Variants in CCDC88C observed in about 807,000 individuals in gnomAD.
CCDC88C encodes coiled-coil and HOOK domain protein 88C, also known as protein Daple.
In CCDC88C, 131 loss-of-function variants were observed where a neutral mutation model predicts 198.8. That is an observed-to-expected ratio of 0.66 (90% CI 0.57 to 0.76). CCDC88C has a LOEUF of 0.76. Among genes scored for constraint, CCDC88C ranks in the 30% least tolerant of loss-of-function variants. CCDC88C has a pLI of 0.00. For synonymous variants in CCDC88C, 1,166 were observed against 1,114.7 expected (o/e 1.05, Z -0.92); for missense variants, 2,553 against 2,631.6 (o/e 0.97, Z 0.65).
At chr14:91,362,826 G>A (rs1329738501) in intron 3 of CCDC88C, among the ~76,000 whole-genome samples, 1 of 152,020 alleles carries the variant, frequency 6.6e-6, no homozygotes, top group Non-Finnish European at 1.5e-5. Context: ...CTACTCAGGA[G>A]GCTGAGGCAG....
intron 22 of CCDC88C, among the ~76,000 whole-genome samples, 171 bp downstream of exon 22, chr14:91,297,134 A>G (rs1345180449): frequency 1.3e-5 from 2 of 152,174 alleles, no homozygotes; most frequent in African/African-American, 2.4e-5. Flanking sequence ...AGAAGCCACA[A>G]TGACCCCCGT....
intron 24 of CCDC88C, 111 bp downstream of exon 24, chr14:91,290,884 G>A (rs1890632387): frequency 5.9e-6 from 4 of 677,450 alleles, no homozygotes; most frequent in Non-Finnish European, 8.0e-6. Flanking sequence ...GGAGGCATCT[G>A]TGCACAGGTG....
At chr14:91,311,330 T>C (rs1445220169) in intron 15 of CCDC88C, among the ~76,000 whole-genome samples, 1 of 152,220 alleles carries the variant, frequency 6.6e-6, no homozygotes, top group Admixed American at 6.5e-5. Context: ...CCTGCATGGA[T>C]CGTCAGTCAT....
intron 3 of CCDC88C, among the ~76,000 whole-genome samples, chr14:91,374,909 G>A (rs568903960): frequency 2.2e-4 from 34 of 152,312 alleles, no homozygotes; most frequent in African/African-American, 7.9e-4. Context: ...GGCCAAGATC[G>A]GTCAATGGTG....
At position 91,317,534 on chromosome 14, in the gene CCDC88C, T is replaced by C. The variant is rs902660503; in HGVS notation, c.1528-1747A>G. Among the ~76,000 whole-genome samples the C allele has an allele frequency of 1.1e-4, 16 of 152,220 alleles. 1 individual carries two copies. Among genetic ancestry groups the C allele is most frequent in the Non-Finnish European group, 4.4e-5 (3 of 68,034 alleles). ...ACCCTCTACGTGTCAGACTCTGGGCTGGGCACTGGGGCCAATAAAACAGTC... is the reference window on the plus strand; with the variant it reads ...ACCCTCTACGTGTCAGACTCTGGGCCGGGCACTGGGGCCAATAAAACAGTC... On this transcript the variant is annotated intron_variant, in intron 13 of 29. Transcript: ENST00000389857.
intron 4 of CCDC88C, among the ~76,000 whole-genome samples, chr14:91,357,658 C>T (rs1248501568): frequency 6.6e-6 from 1 of 152,224 alleles, no homozygotes; most frequent in Non-Finnish European, 1.5e-5. Flanking sequence ...ACAGGCATCA[C>T]TCTCATCTCC....
chr14:91,272,991 G>A lies in CCDC88C; in HGVS notation c.5721C>T (p.Ala1907=). 1 of 1,552,974 alleles carries A rather than the reference G, an allele frequency of 6.4e-7. No homozygotes were observed. The highest frequency in any genetic ancestry group is 8.7e-7 in the Non-Finnish European group (1 of 1,154,330). ...CAGCACCAGCACCTGCAGTGGCAAT[G>A]GCGGGGGCTGTGGCAGACTGATGCA... ...APLHQSATAP[A]IATAGAGAAA... Residue 1907 remains alanine, a synonymous_variant, in exon 30 of 30, where the codon GCC becomes GCT. Transcript: ENST00000389857.
chr14:91,274,273 G>T (rs937564883), intron 29 of CCDC88C, among the ~76,000 whole-genome samples: 1 of 152,188 alleles, frequency 6.6e-6, no homozygotes, highest in Non-Finnish European at 1.5e-5. Context: ...GAATGGTGGG[G>T]CTGCACAGGG....
intron 10 of CCDC88C, among the ~76,000 whole-genome samples, chr14:91,328,322 A>G (rs1051307046): frequency 1.3e-5 from 2 of 152,082 alleles, no homozygotes; most frequent in African/African-American, 4.8e-5. Flanking sequence ...CTGCACCACC[A>G]CCTCTGAAAT....
At chr14:91,299,851 C>T (rs1345635738) in intron 21 of CCDC88C, 76 bp downstream of exon 21, 1 of 1,448,994 alleles carries the variant, frequency 6.9e-7, no homozygotes, top group Non-Finnish European at 9.1e-7. Flanking sequence ...TTGAACTTCT[C>T]AGTGGTTGCT....
chr14:91,297,570 CCCAGCTCTGACAGTG>C, intron 21 of CCDC88C, 79 bp from the exon 22 acceptor site: 1 of 1,436,550 alleles, frequency 7.0e-7, no homozygotes. Flanking sequence ...TGGGCTATGT[CCCAGCTCTGACAGTG>C]GCAGGCTGTG....
chr14:91,314,146 T>C lies in CCDC88C; in HGVS notation c.1670A>G (p.Lys557Arg). ...GTGGTCCTTTTCCTGCTCAAGGTCC[T>C]TGATCTACGGGAAAACACAACAGGC... The part of the protein sequence containing the change: ...TLKADKARQI[K>R]DLEQEKDHLN... Residue 557 changes from lysine (K) to arginine (R), a missense_variant, in exon 15 of 30, where the codon AAG becomes AGG. Lys to Arg is a conservative substitution (Grantham distance 26). Around this residue, in one of 2 missense-constraint regions of CCDC88C, gnomAD observed 1,260 missense variants for 1,412.0 expected, o/e 0.89. Transcript: ENST00000389857. 1 of 1,607,200 alleles carries C rather than the reference T, an allele frequency of 6.2e-7. No homozygotes were observed.
Position 91,272,558 on chromosome 14 carries a change from G to T in CCDC88C, c.*67C>A. ...CTCCTGGCACCGCAGGCAAGCAAGA[G>T]AAAAGGCCGTGAGAGTCGGAAGGCG... On this transcript the variant is annotated 3_prime_UTR_variant, in exon 30 of 30. Transcript: ENST00000389857. 2 of 1,503,988 alleles carry T rather than the reference G, an allele frequency of 1.3e-6. No individual in the cohort carries two copies. Among genetic ancestry groups the T allele is most frequent in the Non-Finnish European group, 1.8e-6 (2 of 1,115,950 alleles). 93.2% of individuals were successfully genotyped at this position (1,503,988 alleles called of 1,614,324 possible).
chr14:91,320,284 A>G (rs1342900425), intron 13 of CCDC88C, among the ~76,000 whole-genome samples: 1 of 152,162 alleles, frequency 6.6e-6, no homozygotes, highest in Non-Finnish European at 1.5e-5. Flanking sequence ...AGGTTGAGCT[A>G]ATCAAATGGC....
intron 4 of CCDC88C, among the ~76,000 whole-genome samples, chr14:91,353,648 T>C (rs1017507618): frequency 6.6e-6 from 1 of 152,238 alleles, no homozygotes; most frequent in African/African-American, 2.4e-5. Flanking sequence ...GATAGAGTTC[T>C]GCACTCAGCT....
At chr14:91,309,553 T>C (rs1891717312) in intron 16 of CCDC88C, among the ~76,000 whole-genome samples, 1 of 138,586 alleles carries the variant, frequency 7.2e-6, no homozygotes, top group South Asian at 2.2e-4. Flanking sequence ...GACATGGAGG[T>C]AAGCCGAAAT....
At chr14:91,366,434 C>A (rs911531910) in intron 3 of CCDC88C, among the ~76,000 whole-genome samples, 1 of 151,934 alleles carries the variant, frequency 6.6e-6, no homozygotes, top group South Asian at 2.1e-4. Context: ...TGCAGTGAGC[C>A]GAGATTGCGC....
chr14:91,274,316 A>G (rs1188739271), intron 29 of CCDC88C, among the ~76,000 whole-genome samples: 1 of 152,182 alleles, frequency 6.6e-6, no homozygotes, highest in Admixed American at 6.5e-5. Context: ...CAGCCGCCAC[A>G]CTGTCCCTGC....
At chr14:91,365,087 C>T (rs1394538024) in intron 3 of CCDC88C, among the ~76,000 whole-genome samples, 1 of 152,176 alleles carries the variant, frequency 6.6e-6, no homozygotes, top group Non-Finnish European at 1.5e-5. Context: ...TGACGCTAAG[C>T]ACTTGTCACT....
Sources: allele counts gnomAD v4.1 joint callset (sites outside exome capture counted in the v4.1 genomes callset), GRCh38; gene constraint gnomAD v4.1.1; regional missense constraint gnomAD v4.1.1; transcripts MANE v1.5; gene names NCBI Gene and HGNC (gene_info 2026-07-23, HGNC 2026-07-21).